CFAP96: variants seen among roughly 807,000 people sequenced by gnomAD.
The protein encoded by CFAP96 is cilia-and flagella-associated protein 96.
chr4:185,412,673 G>A, the CFAP96 span, among the ~76,000 whole-genome samples: 5 of 152,124 alleles, frequency 3.3e-5, no homozygotes, highest in Admixed American at 1.3e-4. Flanking sequence ...AGGGTATGAG[G>A]TGGAGCAGAC....
At chr4:185,448,128 C>A in the CFAP96 span, among the ~76,000 whole-genome samples, 1 of 152,110 alleles carries the variant, frequency 6.6e-6, no homozygotes, top group Admixed American at 6.5e-5. Context: ...TCAAGCAACT[C>A]TCCTGTCTCA....
chr4:185,412,174 A>T, the CFAP96 span, among the ~76,000 whole-genome samples: 1 of 152,362 alleles, frequency 6.6e-6, no homozygotes, highest in East Asian at 1.9e-4. Context: ...CATGATAAAT[A>T]TGTAAAGTAT....
chr4:185,443,342 A>ATTTTTT, the CFAP96 span, among the ~76,000 whole-genome samples: 133 of 26,722 alleles, frequency 5.0e-3, 6 homozygotes, highest in African/African-American at 9.6e-3. Context: ...ATATATATAT[A>ATTTTTT]TTTTTTTTTT....
chr4:185,445,163 A>T, the CFAP96 span: 5 of 1,504,726 alleles, frequency 3.3e-6, no homozygotes, highest in Non-Finnish European at 4.5e-6. Context: ...TTACAAACTA[A>T]GAAAAAATTG....
At chr4:185,449,517 G>A in the CFAP96 span, 34 of 858,474 alleles carry the variant, frequency 4.0e-5, 1 homozygote, top group Admixed American at 9.4e-5. Context: ...AGCGAGACCC[G>A]GTCTTAAAAA....
chr4:185,426,365 C>G, the CFAP96 span: 1 of 155,254 alleles, frequency 6.4e-6, no homozygotes, highest in East Asian at 1.9e-4. Flanking sequence ...GCAACCTGAT[C>G]TCGGCTGTCG....
At chr4:185,426,058 G>A in the CFAP96 span, 5 of 641,676 alleles carry the variant, frequency 7.8e-6, no homozygotes, top group Admixed American at 2.9e-5. Context: ...GAGGCGGGGC[G>A]GGTAGCCGAA....
the CFAP96 span, among the ~76,000 whole-genome samples, chr4:185,428,436 G>A: frequency 6.6e-6 from 1 of 151,782 alleles, no homozygotes; most frequent in Non-Finnish European, 1.5e-5. Flanking sequence ...AGCTGGGCAT[G>A]GTGGCGCGTG....
the CFAP96 span, among the ~76,000 whole-genome samples, chr4:185,439,769 G>A: frequency 1.4e-5 from 2 of 143,074 alleles, no homozygotes; most frequent in Non-Finnish European, 3.0e-5. Context: ...ATACATATAT[G>A]TATCTATATC....
chr4:185,443,335 TATATA>T, the CFAP96 span, among the ~76,000 whole-genome samples: 100 of 35,936 alleles, frequency 2.8e-3, no homozygotes, highest in East Asian at 0.031. Context: ...TATATATATA[TATATA>T]TATTTTTTTT....
At chr4:185,441,693 T>A in the CFAP96 span, among the ~76,000 whole-genome samples, 33 of 151,666 alleles carry the variant, frequency 2.2e-4, no homozygotes, top group Admixed American at 2.2e-3. Flanking sequence ...AATTAATAAT[T>A]TTAATATTAA....
chr4:185,422,637 A>T, the CFAP96 span: 1 of 985,170 alleles, frequency 1.0e-6, no homozygotes, highest in Non-Finnish European at 1.5e-6. Context: ...ATTAGAATCT[A>T]AGTTTAGTGT....
chr4:185,418,054 A>ACACACACACACACACACG, the CFAP96 span, among the ~76,000 whole-genome samples: 1 of 150,198 alleles, frequency 6.7e-6, no homozygotes, highest in Admixed American at 6.7e-5. Flanking sequence ...CAAAACACAC[A>ACACACACACACACACACG]CACACACACA....
chr4:185,422,633 A>G, the CFAP96 span: 2 of 1,050,508 alleles, frequency 1.9e-6, no homozygotes, highest in Non-Finnish European at 2.8e-6. Context: ...ATAAATTAGA[A>G]TCTAAGTTTA....
At chr4:185,443,343 T>TATA in the CFAP96 span, among the ~76,000 whole-genome samples, 71 of 19,196 alleles carry the variant, frequency 3.7e-3, no homozygotes, top group African/African-American at 0.011. Flanking sequence ...TATATATATA[T>TATA]TTTTTTTTTT....
At chr4:185,447,508 T>C in the CFAP96 span, among the ~76,000 whole-genome samples, 2 of 152,180 alleles carry the variant, frequency 1.3e-5, no homozygotes. Context: ...AACATTTATC[T>C]CAATATGTCC....
the CFAP96 span, among the ~76,000 whole-genome samples, chr4:185,424,288 A>G: frequency 2.6e-5 from 4 of 152,178 alleles, no homozygotes; most frequent in Non-Finnish European, 5.9e-5. Flanking sequence ...CCTAAGCAAC[A>G]GAGCAAGATC....
At chr4:185,434,079 C>T in the CFAP96 span, among the ~76,000 whole-genome samples, 4 of 151,932 alleles carry the variant, frequency 2.6e-5, no homozygotes, top group East Asian at 3.9e-4. Context: ...ATTAAGCCAG[C>T]GTGGCGATGC....
chr4:185,447,204 C>G, the CFAP96 span, among the ~76,000 whole-genome samples: 1 of 148,486 alleles, frequency 6.7e-6, no homozygotes, highest in Non-Finnish European at 1.5e-5. Context: ...TTTTTTGAGA[C>G]GGAGTCTCAC....
Sources: allele counts gnomAD v4.1 joint callset (sites outside exome capture counted in the v4.1 genomes callset), GRCh38; gene constraint gnomAD v4.1.1; transcripts MANE v1.5; gene names NCBI Gene and HGNC (gene_info 2026-07-23, HGNC 2026-07-21).